Variants in REEP3 observed in about 807,000 individuals in gnomAD.
REEP3 encodes the protein receptor expression-enhancing protein 3.
REEP3 carries 20 observed loss-of-function variants against 41.3 expected under a neutral mutation model. The observed-to-expected ratio is 0.48, with a 90% confidence interval of 0.34 to 0.70. REEP3 has a LOEUF of 0.70. Ranked by LOEUF, REEP3 falls within the 30% of genes least tolerant of loss-of-function variation. The pLI is 0.01. For missense variants in REEP3, 271 were observed against 308.8 expected (o/e 0.88, Z 0.92); for synonymous variants, 104 against 101.8 (o/e 1.02, Z -0.13).
chr10:63,566,770 C>CT (rs983514384), intron 2 of REEP3, among the ~76,000 whole-genome samples: 1 of 152,072 alleles, frequency 6.6e-6, no homozygotes, highest in Non-Finnish European at 1.5e-5. Context: ...GGCCTCAAAG[C>CT]TTTTTTCCTC....
chr10:63,587,808 GA>G (rs779731540), intron 2 of REEP3, among the ~76,000 whole-genome samples: 2 of 152,164 alleles, frequency 1.3e-5, no homozygotes, highest in Non-Finnish European at 2.9e-5. Flanking sequence ...TACCTGCAAA[GA>G]GGGGCTGAGG....
chr10:63,579,536 A>G (rs1454157058), intron 2 of REEP3, among the ~76,000 whole-genome samples: 2 of 152,248 alleles, frequency 1.3e-5, no homozygotes, highest in South Asian at 4.1e-4. Context: ...GCATTTCCAC[A>G]GTGTTCACAC....
Position 63,623,043 on chromosome 10 carries a change from C to A in REEP3, c.*2174C>A, listed in dbSNP as rs1040243961. 6.6e-6 allele frequency: 1 copy of A among 152,156 alleles called. No individual in the cohort carries two copies. The highest frequency in any genetic ancestry group is 2.4e-5 in the African/African-American group (1 of 41,450). 9.4% of individuals were successfully genotyped at this position (152,156 alleles called of 1,614,324 possible). On this transcript the variant is annotated 3_prime_UTR_variant, in exon 8 of 8. Coordinates refer to ENST00000373758, the MANE Select transcript of REEP3 (RefSeq NM_001001330.3). ...TCTAAAGTCTGGTCCCAGTATTAAA[C>A]CTATTCTTTAGTAAACTCATATTAC...
At chr10:63,540,744 T>TTTTTG (rs927781444) in intron 1 of REEP3, among the ~76,000 whole-genome samples, 1 of 152,108 alleles carries the variant, frequency 6.6e-6, no homozygotes, top group South Asian at 2.1e-4. Context: ...ATTTAAAGGT[T>TTTTTG]TTTTGTTTTG....
intron 1 of REEP3, among the ~76,000 whole-genome samples, chr10:63,533,708 A>ATTTTTTTTTTTTTTTTTTTTTTTTTTTTT (rs1464023228): frequency 1.1e-5 from 1 of 93,918 alleles, no homozygotes; most frequent in African/African-American, 3.3e-5. Flanking sequence ...AAGTATGTAA[A>ATTTTTTTTTTTTTTTTTTTTTTTTTTTTT]TCTTTTTTTT....
intron 1 of REEP3, among the ~76,000 whole-genome samples, chr10:63,539,169 A>G (rs970455483): frequency 6.6e-6 from 1 of 152,104 alleles, no homozygotes; most frequent in Non-Finnish European, 1.5e-5. Flanking sequence ...TTGTATGAAG[A>G]ATGCTAGTCT....
intron 6 of REEP3, among the ~76,000 whole-genome samples, chr10:63,613,613 T>C (rs530790940): frequency 2.6e-5 from 4 of 152,272 alleles, no homozygotes; most frequent in African/African-American, 9.6e-5. Flanking sequence ...AGGACCGGAA[T>C]AGGTGAAGAG....
chr10:63,598,703 G>A (rs10822187), intron 4 of REEP3, among the ~76,000 whole-genome samples: 98,106 of 149,566 alleles, frequency 0.66, 32,929 homozygotes, highest in East Asian at 0.97. Flanking sequence ...AGAATGGCGC[G>A]AACCCGGGAG....
At chr10:63,541,921 AT>A (rs1223673914) in intron 1 of REEP3, among the ~76,000 whole-genome samples, 2 of 152,162 alleles carry the variant, frequency 1.3e-5, no homozygotes, top group Non-Finnish European at 2.9e-5. Flanking sequence ...ACATTTTTCC[AT>A]TTTTATGCAT....
At chr10:63,615,886 C>T (rs1379330066) in intron 6 of REEP3, among the ~76,000 whole-genome samples, 2 of 152,180 alleles carry the variant, frequency 1.3e-5, no homozygotes, top group East Asian at 1.9e-4. Flanking sequence ...CTAAATTTGG[C>T]TCCTTGCTCT....
chr10:63,551,806 T>A (rs115403874), intron 1 of REEP3, among the ~76,000 whole-genome samples: 4 of 152,220 alleles, frequency 2.6e-5, no homozygotes, highest in African/African-American at 9.6e-5. Flanking sequence ...AATGAGACCT[T>A]AGGAAAAACC....
At chr10:63,602,465 C>A (rs1246354373) in intron 5 of REEP3, among the ~76,000 whole-genome samples, 1 of 152,140 alleles carries the variant, frequency 6.6e-6, no homozygotes, top group African/African-American at 2.4e-5. Flanking sequence ...CTGAATTTTT[C>A]ATATTTAAAA....
At chr10:63,584,336 T>A (rs901255858) in intron 2 of REEP3, among the ~76,000 whole-genome samples, 2 of 150,664 alleles carry the variant, frequency 1.3e-5, no homozygotes, top group Non-Finnish European at 2.9e-5. Context: ...AAAACCTGCT[T>A]AGATGGGCAT....
At chr10:63,605,592 A>C (rs1474854918) in intron 5 of REEP3, among the ~76,000 whole-genome samples, 2 of 152,240 alleles carry the variant, frequency 1.3e-5, no homozygotes, top group Non-Finnish European at 2.9e-5. Context: ...AGGTGCTGAT[A>C]AACAAAATAA....
chr10:63,617,840 A>G (rs1161043130), intron 6 of REEP3, among the ~76,000 whole-genome samples: 2 of 108,784 alleles, frequency 1.8e-5, no homozygotes, highest in Admixed American at 2.0e-4. Context: ...TTTTTTTTTT[A>G]AAGAGATGGA....
chr10:63,608,361 G>C (rs1285079161), intron 5 of REEP3, among the ~76,000 whole-genome samples: 1 of 152,166 alleles, frequency 6.6e-6, no homozygotes, highest in Non-Finnish European at 1.5e-5. Flanking sequence ...GCTCAAGTGG[G>C]ATATGGAAAT....
chr10:63,558,266 G>A (rs1473710527), intron 1 of REEP3, among the ~76,000 whole-genome samples: 1 of 152,176 alleles, frequency 6.6e-6, no homozygotes, highest in African/African-American at 2.4e-5. Flanking sequence ...CCTGTCCTTG[G>A]TTAGCGTGAG....
chr10:63,597,742 G>A (rs1046463168), intron 3 of REEP3, among the ~76,000 whole-genome samples: 1 of 151,836 alleles, frequency 6.6e-6, no homozygotes, highest in East Asian at 1.9e-4. Context: ...GTGAAACCCC[G>A]CCTCTACTAA....
rs865881457 is a variant in REEP3, at chr10:63,575,755, C to T, written c.105+9345C>T. ...TTCTATTTTATTTTATTTTTTGAGG[C>T]GGTGTTTTGCTCTTGCTGCCCAGGC... is the stretch of plus-strand genomic sequence containing the variant. On this transcript the variant is annotated intron_variant, in intron 2 of 7. Coordinates refer to ENST00000373758, the MANE Select transcript of REEP3 (RefSeq NM_001001330.3). 5.9e-5 allele frequency among the ~76,000 whole-genome samples: 9 copies of T among 151,946 alleles called. No homozygotes were observed. The South Asian group carries it at 6.2e-4, about 11-fold the overall frequency.
Sources: allele counts gnomAD v4.1 joint callset (sites outside exome capture counted in the v4.1 genomes callset), GRCh38; gene constraint gnomAD v4.1.1; transcripts MANE v1.5; gene names NCBI Gene and HGNC (gene_info 2026-07-23, HGNC 2026-07-21).